DYNC1LI1: variants seen among roughly 807,000 people sequenced by gnomAD.
DYNC1LI1 encodes the protein cytoplasmic dynein 1 light intermediate chain 1.
Under a neutral mutation model 63.8 loss-of-function variants are expected in DYNC1LI1, and 19 were observed. The ratio of observed to expected loss-of-function variants is 0.30; its 90% CI spans 0.21 to 0.44. The LOEUF is 0.44. DYNC1LI1 is among the 20% of genes least tolerant of loss of function. The probability of loss-of-function intolerance (pLI) is 1.00; values close to 1 mark genes in which losing one functional copy is unlikely to be tolerated. For missense variants in DYNC1LI1, 565 were observed against 630.2 expected (o/e 0.90, Z 1.11); for synonymous variants, 225 against 232.3 (o/e 0.97, Z 0.28).
Position 32,565,463 on chromosome 3 carries a change from T to C in DYNC1LI1, c.220+4883A>G, listed in dbSNP as rs576697881. 7.5e-4 allele frequency among the ~76,000 whole-genome samples: 114 copies of C among 152,348 alleles called. 1 individual carries two copies. The highest frequency in any genetic ancestry group is 2.7e-3 in the African/African-American group (111 of 41,586). On this transcript the variant is annotated intron_variant, in intron 2 of 12. Coordinates refer to ENST00000273130, the MANE Select transcript of DYNC1LI1 (RefSeq NM_016141.4). ...ATTCAATTAATCTAAATAAGTGTTATTGCTTGCACTAAAAGATACACACTG... is the reference window on the plus strand; with the variant it reads ...ATTCAATTAATCTAAATAAGTGTTACTGCTTGCACTAAAAGATACACACTG...
At chr3:32,543,605 A>G (rs1697912295) in intron 4 of DYNC1LI1, among the ~76,000 whole-genome samples, 1 of 148,150 alleles carries the variant, frequency 6.7e-6, no homozygotes, top group Non-Finnish European at 1.5e-5. Context: ...ACAGGGTTTC[A>G]CCATCTTGGC....
At chr3:32,542,228 C>T (rs1697891543) in intron 4 of DYNC1LI1, among the ~76,000 whole-genome samples, 1 of 152,048 alleles carries the variant, frequency 6.6e-6, no homozygotes, top group African/African-American at 2.4e-5. Flanking sequence ...GGCTCAACCT[C>T]CCGAGTGAGT....
chr3:32,538,178 G>A (rs1324706143), intron 5 of DYNC1LI1, among the ~76,000 whole-genome samples: 2 of 134,060 alleles, frequency 1.5e-5, no homozygotes, highest in Non-Finnish European at 3.1e-5. Context: ...GAGGCAGGAG[G>A]ATTGAGCCTA....
chr3:32,561,016 AAAAAAAAAAAAAAAAAAC>A (rs1233444351), intron 2 of DYNC1LI1, among the ~76,000 whole-genome samples: 15 of 110,724 alleles, frequency 1.4e-4, no homozygotes, highest in Middle Eastern at 4.3e-3. Flanking sequence ...AAAAAAAAAA[AAAAAAAAAAAAAAAAAAC>A]AAACAAAAAA....
rs1559444440 is a variant in DYNC1LI1, at chr3:32,561,022, A to AC, written c.220+9323_220+9324insG. 3.0e-4 allele frequency among the ~76,000 whole-genome samples: 43 copies of AC among 141,092 alleles called. 1 individual carries two copies. Among genetic ancestry groups the AC allele is most frequent in the African/African-American group, 1.2e-3 (42 of 34,076 alleles). The allele number at this position is 141,092 out of a possible 152,430, so 92.6% of individuals were successfully genotyped here. On this transcript the variant is annotated intron_variant, in intron 2 of 12. Coordinates refer to ENST00000273130, the MANE Select transcript of DYNC1LI1 (RefSeq NM_016141.4). ...CGTCTCAAAAAAAAAAAAAAAAAAA[A>AC]AAAAAAAAAAACAAACAAAAAAAAC... is the stretch of plus-strand genomic sequence containing the variant.
At chr3:32,564,403 T>C (rs1698232796) in intron 2 of DYNC1LI1, among the ~76,000 whole-genome samples, 1 of 152,246 alleles carries the variant, frequency 6.6e-6, no homozygotes, top group Non-Finnish European at 1.5e-5. Context: ...GCTGCCTGTT[T>C]TTATAAATAA....
intron 3 of DYNC1LI1, 129 bp downstream of exon 3, chr3:32,545,720 T>A (rs1362398430): frequency 1.4e-5 from 10 of 732,352 alleles, no homozygotes; most frequent in Non-Finnish European, 2.2e-5. Context: ...AACATAGCTA[T>A]TTCTTGACCA....
intron 2 of DYNC1LI1, among the ~76,000 whole-genome samples, chr3:32,559,459 A>G (rs1446698149): frequency 6.6e-6 from 1 of 152,134 alleles, no homozygotes; most frequent in Non-Finnish European, 1.5e-5. Flanking sequence ...GGATGGTCTC[A>G]AAGTCCTGAG....
In DYNC1LI1 at chr3:32,541,085, A is replaced by G. The variant is rs1697874018; in HGVS notation, c.690T>C (p.Asp230=). The G allele has an allele frequency of 6.2e-7, 1 of 1,613,880 alleles. No homozygotes were observed. Among genetic ancestry groups the G allele is most frequent in the Non-Finnish European group, 8.5e-7 (1 of 1,179,888 alleles). ...DDSVVLPLGA[D]TLTHNLGIPV... Reference sequence around the variant, plus strand: ...GAATGCCCAAGTTATGTGTAAGTGTATCCGCACCCAGAGGTAAAACTACAC... The same window carrying G: ...GAATGCCCAAGTTATGTGTAAGTGTGTCCGCACCCAGAGGTAAAACTACAC... The change falls in exon 5 of 13, where the codon GAT becomes GAC. Residue 230 remains aspartate, a synonymous_variant. Transcript: ENST00000273130.
intron 4 of DYNC1LI1, among the ~76,000 whole-genome samples, chr3:32,544,596 C>T (rs1324621178): frequency 1.3e-5 from 2 of 151,910 alleles, no homozygotes; most frequent in East Asian, 1.9e-4. Context: ...GGTGAAACCC[C>T]GTCTCTACTA....
chr3:32,541,064 G>A lies in DYNC1LI1; in HGVS notation c.711C>T (p.Gly237=). Residue 237 remains glycine (G), a synonymous_variant, in exon 5 of 13, where the codon GGC becomes GGT. Transcript: ENST00000273130. ...LGADTLTHNL[G]IPVLVVCTKC... ...TTGTGCAAACTACTAGTACTGGAAT[G>A]CCCAAGTTATGTGTAAGTGTATCCG... 1 of 1,611,860 alleles carries A rather than the reference G, an allele frequency of 6.2e-7. No individual in the cohort carries two copies. Among genetic ancestry groups the A allele is most frequent in the Non-Finnish European group, 8.5e-7 (1 of 1,179,020 alleles).
chr3:32,541,065 C>G lies in DYNC1LI1; in HGVS notation c.710G>C (p.Gly237Ala). 6.2e-7 allele frequency: 1 copy of G among 1,611,776 alleles called. No individual in the cohort carries two copies. The highest frequency in any genetic ancestry group is 8.5e-7 in the Non-Finnish European group (1 of 1,178,916). The change falls in exon 5 of 13, where the codon GGC becomes GCC. Residue 237 changes from glycine (G) to alanine (A), a missense_variant. Coordinates refer to ENST00000273130, the MANE Select transcript of DYNC1LI1 (RefSeq NM_016141.4). ...LGADTLTHNLGIPVLVVCTKC... is the reference protein window; with the variant it reads ...LGADTLTHNLAIPVLVVCTKC... ...TGTGCAAACTACTAGTACTGGAATG[C>G]CCAAGTTATGTGTAAGTGTATCCGC... is the stretch of plus-strand genomic sequence containing the variant.
Position 32,550,608 on chromosome 3 carries a change from C to T in DYNC1LI1, c.221-4643G>A, listed in dbSNP as rs114911495. Among the ~76,000 whole-genome samples, 993 of 152,236 alleles carry T rather than the reference C, an allele frequency of 6.5e-3. 8 individuals carry two copies. The highest frequency in any genetic ancestry group is 0.022 in the African/African-American group (934 of 41,524). On this transcript the variant is annotated intron_variant, in intron 2 of 12. Transcript: ENST00000273130. ...CTCTCTGTGAATGTTGTCAATCATT[C>T]GTTTCACTGGACGAATTAATAATTT...
chr3:32,566,831 TAAAA>T lies in DYNC1LI1; in HGVS notation c.220+3511_220+3514del, dbSNP rs1364171203. The T allele has an allele frequency of 1.9e-5, 6 of 317,256 alleles. No homozygotes were observed. The Admixed American group carries it at 2.4e-4, about 13-fold the overall frequency. 19.7% of individuals were successfully genotyped at this position (317,256 alleles called of 1,614,324 possible). A position where few individuals can be genotyped will look rare whatever the true frequency, so the allele number is the denominator to read the frequency against. ...AAGGTAAAAATGAAAATGCAGTTCTTAAAAAAACAATTTAGAGGTTAGAACCTAC... is the reference window on the plus strand; with the variant it reads ...AAGGTAAAAATGAAAATGCAGTTCTTAAACAATTTAGAGGTTAGAACCTAC... On this transcript the variant is annotated intron_variant, in intron 2 of 12. Coordinates refer to ENST00000273130, the MANE Select transcript of DYNC1LI1 (RefSeq NM_016141.4).
chr3:32,532,109 C>T (rs1420476616), intron 8 of DYNC1LI1: 2 of 152,002 alleles, frequency 1.3e-5, no homozygotes, highest in Non-Finnish European at 1.5e-5. Context: ...TGCATGAAGT[C>T]AAGATATAGG....
At chr3:32,562,587 A>G (rs1001005138) in intron 2 of DYNC1LI1, among the ~76,000 whole-genome samples, 1 of 152,200 alleles carries the variant, frequency 6.6e-6, no homozygotes, top group Non-Finnish European at 1.5e-5. Flanking sequence ...TTGGCCTCCC[A>G]AAGTGCTAAG....
intron 2 of DYNC1LI1, among the ~76,000 whole-genome samples, chr3:32,565,452 A>C (rs923700415): frequency 1.3e-5 from 2 of 152,238 alleles, no homozygotes; most frequent in African/African-American, 2.4e-5. Context: ...AATTAATCTA[A>C]ATAAGTGTTA....
chr3:32,532,836 C>A, intron 8 of DYNC1LI1, 150 bp downstream of exon 8: 2 of 1,286,244 alleles, frequency 1.6e-6, no homozygotes, highest in Non-Finnish European at 2.0e-6. Flanking sequence ...CTTATGTAAA[C>A]TGTACATTAG....
At chr3:32,566,223 G>T (rs950868885) in intron 2 of DYNC1LI1, among the ~76,000 whole-genome samples, 7 of 150,558 alleles carry the variant, frequency 4.6e-5, no homozygotes, top group Non-Finnish European at 7.4e-5. Context: ...AGTGAGCCGA[G>T]ATTATGCCAC....
Sources: gnomAD v4.1 joint callset for allele counts (sites outside exome capture counted in the v4.1 genomes callset) on GRCh38, gnomAD v4.1.1 for gene constraint, MANE v1.5 for transcripts, NCBI Gene and HGNC (gene_info 2026-07-23, HGNC 2026-07-21) for gene names.